Variants in EPYC observed in about 807,000 individuals in gnomAD.
EPYC encodes epiphycan.
EPYC carries 28 observed loss-of-function variants against 30.1 expected under a neutral mutation model. The observed-to-expected ratio is 0.93, with a 90% CI of 0.69 to 1.28. The LOEUF is 1.28. Among genes scored for constraint, EPYC ranks in the 50% most tolerant of loss-of-function variants. The probability of loss-of-function intolerance (pLI) is 0.00; values close to 1 mark genes in which losing one functional copy is unlikely to be tolerated. For missense variants in EPYC, 382 were observed against 383.5 expected (o/e 1.00, Z 0.03); for synonymous variants, 144 against 141.4 (o/e 1.02, Z -0.13).
At position 90,994,065 on chromosome 12, in the gene EPYC, A is replaced by G. The variant is rs1592630926; in HGVS notation, c.165+8336T>C. ...ATATGTGTCTTTTTAAACTTCCTCT[A>G]TTGTGCTGAAAATACTTATAAGACT... On this transcript the variant is annotated intron_variant, in intron 2 of 6. Coordinates refer to ENST00000261172, the MANE Select transcript of EPYC (RefSeq NM_004950.5). 5.3e-5 allele frequency among the ~76,000 whole-genome samples: 8 copies of G among 152,144 alleles called. No individual in the cohort carries two copies. The South Asian group carries it at 1.7e-3, about 31-fold the overall frequency.
intron 2 of EPYC, among the ~76,000 whole-genome samples, chr12:90,990,060 T>C (rs899687342): frequency 3.9e-5 from 6 of 151,914 alleles, no homozygotes; most frequent in African/African-American, 1.4e-4. Context: ...AGTAATCTCA[T>C]GAGGATGGGA....
chr12:90,990,542 C>A (rs1877558416), intron 2 of EPYC, among the ~76,000 whole-genome samples: 2 of 152,066 alleles, frequency 1.3e-5, no homozygotes. Flanking sequence ...TCTCCTGGGG[C>A]AAAATTATCT....
chr12:90,996,252 T>A (rs1451447033), intron 2 of EPYC, among the ~76,000 whole-genome samples: 2 of 151,896 alleles, frequency 1.3e-5, no homozygotes, highest in Non-Finnish European at 2.9e-5. Context: ...AGATACTTTT[T>A]ATATATCATT....
intron 2 of EPYC, among the ~76,000 whole-genome samples, chr12:90,984,320 G>C (rs1439596485): frequency 6.6e-6 from 1 of 152,066 alleles, no homozygotes; most frequent in African/African-American, 2.4e-5. Flanking sequence ...GTGTGTTCTT[G>C]GGTTGGTGGT....
At chr12:90,976,714 T>A (rs1877191130) in intron 3 of EPYC, among the ~76,000 whole-genome samples, 1 of 152,120 alleles carries the variant, frequency 6.6e-6, no homozygotes, top group Admixed American at 6.6e-5. Context: ...CCCACTCAAA[T>A]CTCATCTTGA....
Position 90,972,016 on chromosome 12 carries a change from AT to A in EPYC, c.500-15del. On this transcript the variant is annotated splice_polypyrimidine_tract_variant and intron_variant, in intron 4 of 6. Transcript: ENST00000261172. The stretch of plus-strand genomic sequence containing the variant: ...TTTTTAAATCACCTAGCAGAAAAAA[AT>A]AAAGGAAGTAATTAAATATTCTTGT... 7.2e-7 allele frequency: 1 copy of A among 1,390,698 alleles called. No homozygotes were observed. Among genetic ancestry groups the A allele is most frequent in the Non-Finnish European group, 9.8e-7 (1 of 1,018,876 alleles). The allele number at this position is 1,390,698 out of a possible 1,614,324, so 86.1% of individuals were successfully genotyped here.
intron 2 of EPYC, among the ~76,000 whole-genome samples, chr12:90,984,658 C>A (rs1877405045): frequency 6.6e-6 from 1 of 152,118 alleles, no homozygotes; most frequent in South Asian, 2.1e-4. Context: ...CACAACTATG[C>A]AAAGCTTGCA....
intron 3 of EPYC, 57 bp from the exon 4 acceptor site, chr12:90,973,037 T>C: frequency 8.0e-7 from 1 of 1,250,274 alleles, no homozygotes; most frequent in South Asian, 1.5e-5. Context: ...TTCTAAGAAA[T>C]AATGTGGAAT....
In EPYC at chr12:90,980,703, T is replaced by C. The variant is rs182995060; in HGVS notation, c.166-2441A>G. On this transcript the variant is annotated intron_variant, in intron 2 of 6. Transcript: ENST00000261172. ...AAATGACCAGAAAAAAATCCCTGTC[T>C]TTTTTCTCAAGCTACAATTGGTAAT... Among the ~76,000 whole-genome samples the C allele has an allele frequency of 3.0e-3, 458 of 152,256 alleles. 4 individuals are homozygous for C. The highest frequency in any genetic ancestry group is 0.011 in the African/African-American group (443 of 41,572).
chr12:90,979,304 C>G (rs969682776), intron 2 of EPYC, among the ~76,000 whole-genome samples: 2 of 152,162 alleles, frequency 1.3e-5, no homozygotes, highest in African/African-American at 4.8e-5. Context: ...AAATCCCAGA[C>G]TTTCCCTTAA....
chr12:91,003,553 T>A (rs1385376157), intron 1 of EPYC, among the ~76,000 whole-genome samples: 2 of 152,128 alleles, frequency 1.3e-5, no homozygotes, highest in Non-Finnish European at 2.9e-5. Flanking sequence ...TTTAGTTCTG[T>A]ATGTACTCAT....
intron 6 of EPYC, among the ~76,000 whole-genome samples, chr12:90,969,701 C>T (rs1479866120): frequency 1.3e-5 from 2 of 151,896 alleles, no homozygotes; most frequent in Admixed American, 1.3e-4. Flanking sequence ...TTTATTTCTC[C>T]CTTTTCTTTT....
chr12:90,987,816 G>A (rs1877488542), intron 2 of EPYC, among the ~76,000 whole-genome samples: 1 of 152,136 alleles, frequency 6.6e-6, no homozygotes, highest in Non-Finnish European at 1.5e-5. Context: ...TGTGTACAAT[G>A]TAATAGCCTT....
At chr12:90,998,873 T>C (rs1343809520) in intron 2 of EPYC, among the ~76,000 whole-genome samples, 1 of 152,118 alleles carries the variant, frequency 6.6e-6, no homozygotes, top group Admixed American at 6.6e-5. Flanking sequence ...ACTAGGGCTG[T>C]GGTCTCATGC....
At chr12:90,976,024 GT>G (rs1942730968) in intron 3 of EPYC, among the ~76,000 whole-genome samples, 2 of 152,154 alleles carry the variant, frequency 1.3e-5, no homozygotes, top group South Asian at 4.1e-4. Context: ...AGTACATAGT[GT>G]TTTGACTCTT....
intron 6 of EPYC, among the ~76,000 whole-genome samples, chr12:90,965,348 G>A (rs1030783800): frequency 1.3e-5 from 2 of 151,996 alleles, no homozygotes; most frequent in African/African-American, 2.4e-5. Flanking sequence ...ATGTACATAC[G>A]CTTTCAGTTC....
chr12:90,978,502 T>C (rs146867808), intron 2 of EPYC, among the ~76,000 whole-genome samples: 2 of 151,852 alleles, frequency 1.3e-5, no homozygotes, highest in East Asian at 1.9e-4. Flanking sequence ...TTTTTTTTGG[T>C]CTTCTTGTTC....
intron 6 of EPYC, among the ~76,000 whole-genome samples, chr12:90,969,352 A>G (rs1446458502): frequency 6.6e-6 from 1 of 152,068 alleles, no homozygotes; most frequent in Non-Finnish European, 1.5e-5. Flanking sequence ...CTGAAATAAG[A>G]AATAATTTAT....
At chr12:90,968,134 T>C (rs138261347) in intron 6 of EPYC, among the ~76,000 whole-genome samples, 84 of 152,330 alleles carry the variant, frequency 5.5e-4, no homozygotes, top group Admixed American at 1.3e-3. Context: ...TTGACCCTGA[T>C]GTATTAACCC....
Sources: allele counts gnomAD v4.1 joint callset (sites outside exome capture counted in the v4.1 genomes callset), GRCh38; gene constraint gnomAD v4.1.1; transcripts MANE v1.5; gene names NCBI Gene and HGNC (gene_info 2026-07-23, HGNC 2026-07-21).